Variants in TSHZ2 observed in about 807,000 individuals in gnomAD.
The protein encoded by TSHZ2 is teashirt homolog 2.
In TSHZ2, 21 loss-of-function variants were observed where a neutral mutation model predicts 74.4. The observed-to-expected ratio is 0.28, with a 90% confidence interval of 0.20 to 0.41. TSHZ2 has a LOEUF of 0.41. TSHZ2 is among the 10% of genes least tolerant of loss of function. TSHZ2 has a pLI of 1.00. For missense variants in TSHZ2, 1,244 were observed against 1,293.5 expected (o/e 0.96, Z 0.59); for synonymous variants, 540 against 515.3 (o/e 1.05, Z -0.65).
intron 2 of TSHZ2, among the ~76,000 whole-genome samples, chr20:53,410,620 T>TA (rs1555860297): frequency 2.0e-5 from 3 of 148,462 alleles, no homozygotes; most frequent in African/African-American, 7.4e-5. Context: ...TTATTATTAT[T>TA]ATTATTAGCT....
intron 1 of TSHZ2, among the ~76,000 whole-genome samples, chr20:53,238,077 CT>C (rs1989980717): frequency 6.6e-6 from 1 of 152,076 alleles, no homozygotes; most frequent in Admixed American, 6.6e-5. Context: ...GTGTTCTGCC[CT>C]TTTGTCTATG....
chr20:53,390,560 G>A (rs750099429), intron 2 of TSHZ2, among the ~76,000 whole-genome samples: 4 of 152,186 alleles, frequency 2.6e-5, no homozygotes, highest in Non-Finnish European at 5.9e-5. Context: ...TGGCACAAGA[G>A]AGCAAGAAAG....
At chr20:53,389,070 C>A (rs566043923) in intron 2 of TSHZ2, among the ~76,000 whole-genome samples, 2 of 152,202 alleles carry the variant, frequency 1.3e-5, no homozygotes, top group African/African-American at 2.4e-5. Context: ...ACCTTGCAGG[C>A]AAGCAGGAAC....
chr20:53,029,211 C>T (rs976566244), intron 1 of TSHZ2, among the ~76,000 whole-genome samples: 6 of 152,144 alleles, frequency 3.9e-5, no homozygotes, highest in African/African-American at 1.4e-4. Context: ...GTTTATAATT[C>T]CCTCGTTTTC....
At chr20:52,983,513 C>T (rs938757769) in intron 1 of TSHZ2, among the ~76,000 whole-genome samples, 2 of 152,178 alleles carry the variant, frequency 1.3e-5, no homozygotes, top group East Asian at 3.8e-4. Context: ...TGCTTTCATT[C>T]ATATATTGCT....
intron 1 of TSHZ2, among the ~76,000 whole-genome samples, chr20:53,214,494 T>A (rs939031223): frequency 2.0e-5 from 3 of 152,290 alleles, no homozygotes; most frequent in East Asian, 1.9e-4. Flanking sequence ...TCACTTGAAC[T>A]GGCCAATATC....
At chr20:52,996,055 G>A (rs1982174569) in intron 1 of TSHZ2, among the ~76,000 whole-genome samples, 1 of 152,120 alleles carries the variant, frequency 6.6e-6, no homozygotes, top group African/African-American at 2.4e-5. Context: ...TGTGGTGTTT[G>A]TAGACAACAG....
At chr20:53,064,415 T>C (rs984220935) in intron 1 of TSHZ2, among the ~76,000 whole-genome samples, 1 of 152,216 alleles carries the variant, frequency 6.6e-6, no homozygotes, top group Non-Finnish European at 1.5e-5. Flanking sequence ...TTATGTCTTC[T>C]ATGCTTAAGC....
intron 2 of TSHZ2, among the ~76,000 whole-genome samples, chr20:53,263,054 G>A (rs552671767): frequency 6.6e-6 from 1 of 152,174 alleles, no homozygotes; most frequent in East Asian, 1.9e-4. Context: ...ATTTCTTTGT[G>A]TATTTGTTTG....
At chr20:53,281,835 T>C (rs1189513268) in intron 2 of TSHZ2, among the ~76,000 whole-genome samples, 1 of 152,196 alleles carries the variant, frequency 6.6e-6, no homozygotes, top group African/African-American at 2.4e-5. Context: ...AGGGCTGGGC[T>C]ACCTTGGCTA....
At chr20:53,470,998 A>G (rs6013699) in intron 2 of TSHZ2, among the ~76,000 whole-genome samples, 30,631 of 152,030 alleles carry the variant, frequency 0.2, 3,267 homozygotes, top group East Asian at 0.29. Flanking sequence ...TATTTATCCA[A>G]TATGTTTCAA....
At chr20:52,996,316 TTTA>T (rs1304933608) in intron 1 of TSHZ2, among the ~76,000 whole-genome samples, 1 of 77,748 alleles carries the variant, frequency 1.3e-5, no homozygotes, top group Non-Finnish European at 3.1e-5. Context: ...TTTTTATTTA[TTTA>T]TTTATTTATT....
chr20:53,445,380 C>G (rs1222624403), intron 2 of TSHZ2, among the ~76,000 whole-genome samples: 1 of 152,196 alleles, frequency 6.6e-6, no homozygotes, highest in Non-Finnish European at 1.5e-5. Context: ...TGCTTCTTTA[C>G]AATCACTAAC....
intron 1 of TSHZ2, among the ~76,000 whole-genome samples, chr20:53,149,821 C>T (rs1242239295): frequency 6.6e-6 from 1 of 152,194 alleles, no homozygotes. Flanking sequence ...TCCAAAGAGA[C>T]ATTTACAGCA....
intron 1 of TSHZ2, among the ~76,000 whole-genome samples, chr20:53,241,675 A>G (rs758794400): frequency 2.0e-5 from 3 of 152,168 alleles, no homozygotes; most frequent in Non-Finnish European, 4.4e-5. Context: ...GAGAGGAGAC[A>G]TACTGAGTGC....
intron 1 of TSHZ2, among the ~76,000 whole-genome samples, chr20:53,179,903 G>C (rs928826823): frequency 6.6e-6 from 1 of 152,134 alleles, no homozygotes; most frequent in African/African-American, 2.4e-5. Flanking sequence ...TATTTACTCT[G>C]TTGTTCTCCT....
At chr20:53,478,568 C>G (rs74175977) in intron 2 of TSHZ2, among the ~76,000 whole-genome samples, 28,970 of 148,040 alleles carry the variant, frequency 0.2, 2,968 homozygotes, top group East Asian at 0.29. Flanking sequence ...TGCTAGATGA[C>G]GAGTTGGTGG....
At chr20:53,337,609 A>G (rs1179497439) in intron 2 of TSHZ2, among the ~76,000 whole-genome samples, 1 of 152,222 alleles carries the variant, frequency 6.6e-6, no homozygotes, top group Non-Finnish European at 1.5e-5. Context: ...TCCATGACCT[A>G]GTTACTGAAC....
chr20:53,012,702 C>G (rs760417265), intron 1 of TSHZ2, among the ~76,000 whole-genome samples: 5 of 151,948 alleles, frequency 3.3e-5, no homozygotes, highest in Admixed American at 6.6e-5. Flanking sequence ...ACATGCACAC[C>G]TACACATATG....
Sources: allele counts gnomAD v4.1 joint callset (sites outside exome capture counted in the v4.1 genomes callset), GRCh38; gene constraint gnomAD v4.1.1; transcripts MANE v1.5; gene names NCBI Gene and HGNC (gene_info 2026-07-23, HGNC 2026-07-21).